Variants in AKAP19 observed in about 807,000 individuals in gnomAD.
AKAP19 encodes the protein A-kinase anchoring protein 19.
At chr2:190,041,666 C>T in the AKAP19 span, among the ~76,000 whole-genome samples, 1 of 151,992 alleles carries the variant, frequency 6.6e-6, no homozygotes, top group Non-Finnish European at 1.5e-5. Flanking sequence ...ATAGATGGCT[C>T]TTATTATTTT....
chr2:189,909,225 C>A, the AKAP19 span, among the ~76,000 whole-genome samples: 1 of 151,438 alleles, frequency 6.6e-6, no homozygotes, highest in Non-Finnish European at 1.5e-5. Context: ...TATATTTTTT[C>A]TTTGCTTTTA....
At chr2:190,060,195 C>G in the AKAP19 span, 1 of 1,613,110 alleles carries the variant, frequency 6.2e-7, no homozygotes, top group East Asian at 2.2e-5. Context: ...CACATCAATG[C>G]TCTGCCAAAT....
the AKAP19 span, among the ~76,000 whole-genome samples, chr2:189,975,242 C>G: frequency 6.6e-6 from 1 of 152,144 alleles, no homozygotes. Flanking sequence ...ACTTATGAAG[C>G]TTAGTTTGGC....
At chr2:190,061,889 A>G in the AKAP19 span, among the ~76,000 whole-genome samples, 1 of 151,944 alleles carries the variant, frequency 6.6e-6, no homozygotes, top group Non-Finnish European at 1.5e-5. Context: ...AATCTAATGT[A>G]AGTTTTAAAC....
the AKAP19 span, among the ~76,000 whole-genome samples, chr2:189,901,805 G>A: frequency 1.3e-5 from 2 of 151,940 alleles, no homozygotes; most frequent in Non-Finnish European, 2.9e-5. Context: ...AAATTATTAT[G>A]TACACTCAGG....
At chr2:190,078,091 G>C in the AKAP19 span, among the ~76,000 whole-genome samples, 1 of 152,066 alleles carries the variant, frequency 6.6e-6, no homozygotes, top group Non-Finnish European at 1.5e-5. Flanking sequence ...TCTTTGCATA[G>C]CTCCCTCCTC....
At chr2:189,983,237 A>T in the AKAP19 span, among the ~76,000 whole-genome samples, 1 of 152,152 alleles carries the variant, frequency 6.6e-6, no homozygotes, top group Non-Finnish European at 1.5e-5. Context: ...TCCTGGCCAC[A>T]GTGTTGCTGC....
the AKAP19 span, among the ~76,000 whole-genome samples, chr2:189,915,413 A>T: frequency 6.6e-6 from 1 of 152,140 alleles, no homozygotes; most frequent in Non-Finnish European, 1.5e-5. Flanking sequence ...GTCATTACTA[A>T]CTACTTCTAT....
At chr2:190,126,663 T>C in the AKAP19 span, among the ~76,000 whole-genome samples, 2 of 152,084 alleles carry the variant, frequency 1.3e-5, no homozygotes, top group Non-Finnish European at 2.9e-5. Flanking sequence ...TACATAATTG[T>C]TTAAGAGCAC....
chr2:190,096,455 G>A, the AKAP19 span, among the ~76,000 whole-genome samples: 1 of 152,178 alleles, frequency 6.6e-6, no homozygotes, highest in Non-Finnish European at 1.5e-5. Flanking sequence ...CTTCTTTTTA[G>A]GGGTCTTGCT....
At chr2:190,060,083 T>G in the AKAP19 span, 2 of 1,612,520 alleles carry the variant, frequency 1.2e-6, no homozygotes, top group Non-Finnish European at 1.7e-6. Context: ...CTCCTGGTCC[T>G]GGGAAGGTTA....
the AKAP19 span, among the ~76,000 whole-genome samples, chr2:190,061,386 A>C: frequency 1.3e-5 from 2 of 152,006 alleles, no homozygotes; most frequent in Admixed American, 6.6e-5. Flanking sequence ...AATTGTATGA[A>C]ATATGTTATC....
the AKAP19 span, among the ~76,000 whole-genome samples, chr2:189,890,674 CTTCT>C: frequency 6.6e-6 from 1 of 152,052 alleles, no homozygotes; most frequent in African/African-American, 2.4e-5. Flanking sequence ...ATATAATGCC[CTTCT>C]TTGTCTTTTT....
the AKAP19 span, chr2:190,180,487 T>C: frequency 1.2e-5 from 12 of 985,584 alleles, no homozygotes; most frequent in African/African-American, 3.5e-5. This position sits in a 1 kb window ranked among gnomAD's most constrained non-coding sequence, Gnocchi z 6.8. Context: ...CTTACTTTCA[T>C]TGACCTCTGC....
chr2:190,122,652 G>A, the AKAP19 span, among the ~76,000 whole-genome samples: 1 of 152,060 alleles, frequency 6.6e-6, no homozygotes, highest in Non-Finnish European at 1.5e-5. Flanking sequence ...AATAGTGCTT[G>A]GCTTTTTACT....
At chr2:190,049,843 T>A in the AKAP19 span, among the ~76,000 whole-genome samples, 1 of 152,262 alleles carries the variant, frequency 6.6e-6, no homozygotes, top group Non-Finnish European at 1.5e-5. Flanking sequence ...TGTACACACA[T>A]GTATCATGTA....
At chr2:190,063,743 C>T in the AKAP19 span, among the ~76,000 whole-genome samples, 1 of 151,980 alleles carries the variant, frequency 6.6e-6, no homozygotes, top group East Asian at 1.9e-4. Context: ...TCATTTTGAC[C>T]AGAGGGCAGA....
the AKAP19 span, among the ~76,000 whole-genome samples, chr2:190,158,662 G>C: frequency 6.6e-6 from 1 of 152,030 alleles, no homozygotes; most frequent in South Asian, 2.1e-4. Flanking sequence ...GTTCTCCCTG[G>C]CTATCATCAT....
chr2:190,186,160 C>G, the AKAP19 span, among the ~76,000 whole-genome samples: 1 of 152,140 alleles, frequency 6.6e-6, no homozygotes, highest in African/African-American at 2.4e-5. The surrounding 1 kb of genome is among the most constrained non-coding windows in gnomAD (Gnocchi z 5.5). Context: ...CCATGTTGGC[C>G]AGGCTGGTCA....
Sources: allele counts gnomAD v4.1 joint callset (sites outside exome capture counted in the v4.1 genomes callset), GRCh38; gene constraint gnomAD v4.1.1; non-coding constraint Gnocchi (gnomAD v3.1); transcripts MANE v1.5; gene names NCBI Gene and HGNC (gene_info 2026-07-23, HGNC 2026-07-21).